MARF1: variants seen among roughly 807,000 people sequenced by gnomAD.
MARF1 encodes meiosis regulator and mRNA stability factor 1.
In MARF1, 24 loss-of-function variants were observed where a neutral mutation model predicts 168.2. The ratio of observed to expected loss-of-function variants is 0.14; its 90% CI spans 0.10 to 0.20. The LOEUF is 0.20. Ranked by LOEUF, MARF1 falls within the 10% of genes least tolerant of loss-of-function variation. MARF1 has a pLI of 1.00. For synonymous variants in MARF1, 868 were observed against 822.4 expected (o/e 1.06, Z -0.95); for missense variants, 1,744 against 2,143.6 (o/e 0.81, Z 3.68).
intron 3 of MARF1, chr16:15,635,150 C>T (rs1812371887): frequency 7.9e-6 from 4 of 508,432 alleles, no homozygotes; most frequent in African/African-American, 1.9e-5. Context: ...AAGATATTCA[C>T]GTGGTCAGAT....
intron 13 of MARF1, 68 bp downstream of exon 13, chr16:15,620,383 C>T: frequency 2.2e-6 from 2 of 904,886 alleles, no homozygotes; most frequent in Non-Finnish European, 3.5e-6. Flanking sequence ...AGAGTCATTA[C>T]CATGGTTTTG....
At chr16:15,621,958 C>G (rs780254845) in intron 11 of MARF1, 47 bp from the exon 12 acceptor site, 2 of 1,572,270 alleles carry the variant, frequency 1.3e-6, no homozygotes, top group Non-Finnish European at 1.7e-6. Flanking sequence ...GCCCAGAACC[C>G]TGTCGTCTTA....
Position 15,609,708 on chromosome 16 carries a change from T to C in MARF1, c.3769A>G (p.Ile1257Val). ...TTGGAGAACTGTTTTGTCCTTTCTA[T>C]TTCATCCTGAGTGCGTTCTTTTAAA... The part of the protein sequence containing the change: ...IPKRERTQDE[I>V]ERTKQFSKDV... Residue 1257 changes from isoleucine to valine, a missense_variant, in exon 20 of 27, where the codon ATA becomes GTA. By Grantham distance (29) the Ile-to-Val change is conservative. This residue lies in a region of MARF1 where 543 missense variants were observed against 742.1 expected (regional missense o/e 0.73). Transcript: ENST00000396368. 2 of 1,614,098 alleles carry C rather than the reference T, an allele frequency of 1.2e-6. No homozygotes were observed. Among genetic ancestry groups the C allele is most frequent in the Non-Finnish European group, 8.5e-7 (1 of 1,179,982 alleles).
intron 26 of MARF1, among the ~76,000 whole-genome samples, chr16:15,597,597 G>T (rs534388235): frequency 2.6e-5 from 4 of 152,344 alleles, no homozygotes; most frequent in Admixed American, 2.6e-4. Flanking sequence ...GACTCCCACT[G>T]CATAGGGCAC....
At chr16:15,616,352 T>C (rs1467244142) in intron 15 of MARF1, among the ~76,000 whole-genome samples, 7 of 152,174 alleles carry the variant, frequency 4.6e-5, no homozygotes, top group African/African-American at 1.7e-4. Flanking sequence ...TTGTGGCTCA[T>C]GGAGTGATTA....
intron 12 of MARF1, among the ~76,000 whole-genome samples, chr16:15,621,277 C>T (rs1039112188): frequency 1.3e-5 from 2 of 152,132 alleles, no homozygotes; most frequent in African/African-American, 4.8e-5. Flanking sequence ...CATCACCAGA[C>T]GCTTGAGACT....
intron 23 of MARF1, chr16:15,601,156 G>A (rs1333283961): frequency 1.1e-5 from 5 of 454,002 alleles, no homozygotes; most frequent in Admixed American, 9.5e-5. Flanking sequence ...CAGCCAAGCA[G>A]AGTGGTAGTA....
chr16:15,613,599 T>C (rs1255769255), intron 16 of MARF1, among the ~76,000 whole-genome samples: 1 of 151,248 alleles, frequency 6.6e-6, no homozygotes, highest in Non-Finnish European at 1.5e-5. Context: ...GAGGTGGAGC[T>C]TGCAGTGAGC....
intron 26 of MARF1, 147 bp from the exon 27 acceptor site, chr16:15,597,084 T>TTG: frequency 1.2e-6 from 1 of 858,022 alleles, no homozygotes. Flanking sequence ...TACATATGAG[T>TTG]TGTGTGGCCA....
chr16:15,613,680 TAAATAAATAAAATA>T (rs2033782276), intron 16 of MARF1, among the ~76,000 whole-genome samples: 1 of 144,814 alleles, frequency 6.9e-6, no homozygotes, highest in South Asian at 2.2e-4. Context: ...AATAAATAAA[TAAATAAATAAAATA>T]AAATAAAATA....
chr16:15,628,868 T>C (rs1241817496), intron 7 of MARF1, among the ~76,000 whole-genome samples: 5 of 152,120 alleles, frequency 3.3e-5, no homozygotes, highest in African/African-American at 1.2e-4. Context: ...AGGAACAGAC[T>C]AAAGAACATA....
rs1000695585 is a variant in MARF1 at position 15,595,960 on chromosome 16, A to T, written c.*733T>A. 6.6e-6 allele frequency: 1 copy of T among 152,514 alleles called. No homozygotes were observed. The highest frequency in any genetic ancestry group is 1.5e-5 in the Non-Finnish European group (1 of 68,040). 9.4% of individuals were successfully genotyped at this position (152,514 alleles called of 1,614,324 possible). ...CATCTCCTTTTCCTTAACCTAACCC[A>T]TATCAAACTGGAACACAGAAGGGAA... On this transcript the variant is annotated 3_prime_UTR_variant, in exon 27 of 27. Transcript: ENST00000396368.
intron 10 of MARF1, among the ~76,000 whole-genome samples, chr16:15,623,942 C>T (rs1328683679): frequency 1.3e-4 from 19 of 141,234 alleles, no homozygotes; most frequent in Non-Finnish European, 2.4e-4. Context: ...GACGGAGTCT[C>T]GCTCTGTCAC....
chr16:15,614,481 CAAAAAAAAA>C (rs59862823), intron 16 of MARF1, among the ~76,000 whole-genome samples: 2 of 47,694 alleles, frequency 4.2e-5, no homozygotes, highest in African/African-American at 1.8e-4. Flanking sequence ...GACTCCGTCT[CAAAAAAAAA>C]AAAAAAAAAA....
chr16:15,599,167 A>C (rs756622278), intron 25 of MARF1, 143 bp from the exon 26 acceptor site: 43 of 789,618 alleles, frequency 5.4e-5, no homozygotes, highest in Middle Eastern at 3.6e-4. Flanking sequence ...AAAAAAAAAA[A>C]AAAAAAAACA....
intron 16 of MARF1, among the ~76,000 whole-genome samples, chr16:15,613,043 A>C (rs1361892062): frequency 1.3e-5 from 2 of 152,210 alleles, no homozygotes; most frequent in Non-Finnish European, 2.9e-5. Flanking sequence ...CTATAGTGTT[A>C]TTTATAGCAG....
At chr16:15,636,521 G>C (rs1235154102) in intron 2 of MARF1, among the ~76,000 whole-genome samples, 179 bp from the exon 3 acceptor site, 1 of 152,172 alleles carries the variant, frequency 6.6e-6, no homozygotes, top group Non-Finnish European at 1.5e-5. Context: ...AGAGAGGTCT[G>C]CAGGACATGA....
At chr16:15,615,377 G>C (rs889926527) in intron 16 of MARF1, among the ~76,000 whole-genome samples, 2 of 152,168 alleles carry the variant, frequency 1.3e-5, no homozygotes, top group African/African-American at 4.8e-5. Flanking sequence ...TGTAATCCCA[G>C]CACTTTGGGA....
In MARF1 at chr16:15,625,560, G is replaced by A. The variant is rs757525554; in HGVS notation, c.1765C>T (p.Leu589Phe). ...IVSFTPKNRE[L>F]CETKSSNAIA... ...GCATTTGAACTCTTTGTTTCACAGA[G>A]TTCTCTATTTTTTGGAGTAAATGAC... The change falls in exon 8 of 27, where the codon CTC (leucine) becomes TTC (phenylalanine). Residue 589 changes from leucine to phenylalanine, a missense_variant. Coordinates refer to ENST00000396368, the MANE Select transcript of MARF1 (RefSeq NM_014647.4). The A allele has an allele frequency of 6.2e-7, 1 of 1,614,128 alleles. No homozygotes were observed. The highest frequency in any genetic ancestry group is 1.7e-5 in the Admixed American group (1 of 60,008).
Sources: gnomAD v4.1 joint callset for allele counts (sites outside exome capture counted in the v4.1 genomes callset) on GRCh38, gnomAD v4.1.1 for gene constraint, gnomAD v4.1.1 regional missense constraint, MANE v1.5 for transcripts, NCBI Gene and HGNC (gene_info 2026-07-23, HGNC 2026-07-21) for gene names.